Variants in SPATA13 observed in about 807,000 individuals in gnomAD.
The protein encoded by SPATA13 is spermatogenesis-associated protein 13.
A neutral mutation model predicts 104.0 loss-of-function variants in SPATA13; 50 were observed. That is an observed-to-expected ratio of 0.48 (90% CI 0.38 to 0.61). SPATA13 has a LOEUF of 0.61. Among genes scored for constraint, SPATA13 ranks in the 20% least tolerant of loss-of-function variants. The pLI, the probability that SPATA13 is intolerant of heterozygous loss-of-function variation, is 0.00. For missense variants in SPATA13, 1,524 were observed against 1,690.6 expected (o/e 0.90, Z 1.73); for synonymous variants, 606 against 667.5 (o/e 0.91, Z 1.42).
At chr13:24,041,486 A>G (rs185949730) in intron 3 of SPATA13, among the ~76,000 whole-genome samples, 119 of 152,372 alleles carry the variant, frequency 7.8e-4, no homozygotes, top group Non-Finnish European at 1.1e-3. Context: ...ATCGTCATAT[A>G]ACAGATAAAG....
chr13:24,285,475 G>A (rs113065472), intron 5 of SPATA13, among the ~76,000 whole-genome samples: 1,669 of 152,166 alleles, frequency 0.011, 35 homozygotes, highest in African/African-American at 0.038. Flanking sequence ...TGAGCAGCTA[G>A]TACTTTTTTA....
rs1458068316 is a variant in SPATA13, at chr13:24,103,504, A to AAAAAAAAAAAAAAAAAAAAAG, written c.-112+85804_-112+85805insAAAAAAAAAAAAAAAAAAAGA. Among the ~76,000 whole-genome samples the AAAAAAAAAAAAAAAAAAAAAG allele has an allele frequency of 3.5e-5, 4 of 115,580 alleles. 1 individual carries two copies. The highest frequency in any genetic ancestry group is 3.6e-5 in the Non-Finnish European group (2 of 55,976). The allele number at this position is 115,580 out of a possible 152,430, so 75.8% of individuals were successfully genotyped here. A position where few individuals can be genotyped will look rare whatever the true frequency, so the allele number is the denominator to read the frequency against. ...TGTCTCAAAAAAAAAAAAAAAAAAC[A>AAAAAAAAAAAAAAAAAAAAAG]AGAAAGAAAAGAGCAGGGGAGGAGA... On this transcript the variant is annotated intron_variant, in intron 3 of 14. Coordinates refer to the SPATA13 transcript ENST00000424834.
At chr13:24,147,486 G>A (rs1881969336) in intron 3 of SPATA13, among the ~76,000 whole-genome samples, 1 of 152,106 alleles carries the variant, frequency 6.6e-6, no homozygotes, top group Admixed American at 6.6e-5. Flanking sequence ...CTTCTCCGTT[G>A]GAAGTGGTGA....
intron 1 of SPATA13, among the ~76,000 whole-genome samples, chr13:24,194,749 G>A (rs565813718): frequency 2.6e-5 from 4 of 152,290 alleles, no homozygotes; most frequent in South Asian, 2.1e-4. Context: ...CGTGCTTTAC[G>A]ATATGTGGAA....
At chr13:24,201,271 T>C (rs1870387934) in intron 1 of SPATA13, among the ~76,000 whole-genome samples, 2 of 152,158 alleles carry the variant, frequency 1.3e-5, no homozygotes, top group Admixed American at 6.5e-5. Context: ...GTTTGTTTTT[T>C]TAAGATAATA....
chr13:24,048,944 G>T (rs1878243225), intron 3 of SPATA13, among the ~76,000 whole-genome samples: 1 of 151,708 alleles, frequency 6.6e-6, no homozygotes, highest in South Asian at 2.1e-4. Flanking sequence ...GAAACTCAAA[G>T]AAAAAAATGA....
intron 3 of SPATA13, among the ~76,000 whole-genome samples, chr13:24,069,965 T>A (rs1879099278): frequency 6.6e-6 from 1 of 152,196 alleles, no homozygotes. Flanking sequence ...AGGGCATTCC[T>A]ATCTGAGATG....
At chr13:24,126,433 C>T (rs1013416323) in intron 3 of SPATA13, among the ~76,000 whole-genome samples, 3 of 152,330 alleles carry the variant, frequency 2.0e-5, no homozygotes, top group Middle Eastern at 3.4e-3. Context: ...ACTTGGGTAA[C>T]TTTCTCCTTC....
chr13:24,140,528 G>A (rs914078356), intron 3 of SPATA13, among the ~76,000 whole-genome samples: 7 of 152,212 alleles, frequency 4.6e-5, no homozygotes, highest in Admixed American at 6.5e-5. Flanking sequence ...CAGAAGCAGA[G>A]CTGTTTGGAT....
At chr13:24,195,363 A>G (rs1869995740) in intron 1 of SPATA13, among the ~76,000 whole-genome samples, 1 of 152,134 alleles carries the variant, frequency 6.6e-6, no homozygotes, top group South Asian at 2.1e-4. Context: ...GTTGATGGGT[A>G]TTTGGTTCGT....
chr13:24,222,879 GGAGATGA>G lies in SPATA13; in HGVS notation c.-50_-44del. ...GTGTGAGTGCCAGGACGGCATTCCT[GGAGATGA>G]AGGCCTGGAGCTGCGGTCTGCGGAC... On this transcript the variant is annotated 5_prime_UTR_variant, in exon 2 of 13. An upstream start codon of the reference 5' UTR is lost. Coordinates refer to ENST00000382108, the MANE Select transcript of SPATA13 (RefSeq NM_001166271.3). 6.5e-7 allele frequency: 1 copy of G among 1,546,344 alleles called. No homozygotes were observed. Among genetic ancestry groups the G allele is most frequent in the Non-Finnish European group, 8.7e-7 (1 of 1,143,646 alleles).
intron 3 of SPATA13, among the ~76,000 whole-genome samples, chr13:24,133,273 T>C (rs900842817): frequency 9.9e-5 from 15 of 152,160 alleles, no homozygotes; most frequent in Non-Finnish European, 2.1e-4. Context: ...TGTGAAACAC[T>C]AAGTACTTAG....
chr13:24,277,129 A>G (rs1875047432), intron 4 of SPATA13, among the ~76,000 whole-genome samples: 1 of 152,206 alleles, frequency 6.6e-6, no homozygotes. Context: ...TTCTTGTGAC[A>G]TCATAAAACC....
chr13:24,139,162 C>A (rs922366004), intron 3 of SPATA13, among the ~76,000 whole-genome samples: 1 of 152,156 alleles, frequency 6.6e-6, no homozygotes, highest in South Asian at 2.1e-4. Flanking sequence ...ACACACGCAT[C>A]ATTCCAGTCT....
In SPATA13 at chr13:24,088,387, C is replaced by G. The variant is rs1289510346; in HGVS notation, c.-112+70686C>G. On this transcript the variant is annotated intron_variant, in intron 3 of 14. Coordinates refer to the SPATA13 transcript ENST00000424834. The surrounding 1 kb of genome is among the most constrained non-coding windows in gnomAD (Gnocchi z 4.3). ...ACTTCAAGTTCTGAACCCTGCACTC[C>G]ATGCTCCAGTGTGGAGCCGCAGTTT... Among the ~76,000 whole-genome samples the G allele has an allele frequency of 6.6e-6, 1 of 152,148 alleles. No homozygotes were observed. The highest frequency in any genetic ancestry group is 2.4e-5 in the African/African-American group (1 of 41,434).
chr13:24,265,492 G>A (rs1160338328), intron 4 of SPATA13, among the ~76,000 whole-genome samples: 3 of 152,190 alleles, frequency 2.0e-5, no homozygotes, highest in African/African-American at 4.8e-5. Context: ...TATTTCCTGT[G>A]AAGGACTCTC....
At chr13:24,126,439 C>T (rs578195531) in intron 3 of SPATA13, among the ~76,000 whole-genome samples, 2 of 152,320 alleles carry the variant, frequency 1.3e-5, no homozygotes, top group South Asian at 4.1e-4. Context: ...GTAACTTTCT[C>T]CTTCATGTCC....
chr13:24,000,783 C>A (rs1371741073), intron 2 of SPATA13, among the ~76,000 whole-genome samples: 1 of 151,728 alleles, frequency 6.6e-6, no homozygotes, highest in African/African-American at 2.4e-5. Context: ...CATTTGAATT[C>A]TGGAGAGCTG....
At position 24,251,751 on chromosome 13, in the gene SPATA13, G is replaced by T. The variant is rs965377088; in HGVS notation, c.2053G>T (p.Val685Leu). Reference protein sequence around the residue: ...ASRPPMPAHQVPPYKAVSARF... With the variant: ...ASRPPMPAHQLPPYKAVSARF... Reference sequence around the variant, plus strand: ...CAGGCCGCCCATGCCTGCTCACCAGGTGCCACCCTACAAGGCTGTGTCGGC... The same window carrying T: ...CAGGCCGCCCATGCCTGCTCACCAGTTGCCACCCTACAAGGCTGTGTCGGC... The change falls in exon 4 of 13, where the codon GTG (valine) becomes TTG (leucine). Residue 685 changes from valine to leucine, a missense_variant. Coordinates refer to ENST00000382108, the MANE Select transcript of SPATA13 (RefSeq NM_001166271.3). 6.2e-7 allele frequency: 1 copy of T among 1,614,120 alleles called. No homozygotes were observed. The highest frequency in any genetic ancestry group is 8.5e-7 in the Non-Finnish European group (1 of 1,179,982).
Sources: gnomAD v4.1 joint callset for allele counts (sites outside exome capture counted in the v4.1 genomes callset) on GRCh38, gnomAD v4.1.1 for gene constraint, Gnocchi (gnomAD v3.1) non-coding constraint, MANE v1.5 for transcripts, NCBI Gene and HGNC (gene_info 2026-07-23, HGNC 2026-07-21) for gene names.